The following PLEC variants were observed in gnomAD, a reference collection of about 807,000 sequenced individuals.
PLEC encodes plectin, also known as hemidesmosomal protein 1.
A neutral mutation model predicts 392.8 loss-of-function variants in PLEC; 216 were observed. The observed-to-expected ratio is 0.55, with a 90% confidence interval of 0.49 to 0.62. PLEC has a LOEUF of 0.62. PLEC is among the 20% of genes least tolerant of loss of function. The pLI is 0.00. For synonymous variants in PLEC, 3,621 were observed against 2,980.6 expected (o/e 1.21, Z -7.00); for missense variants, 6,863 against 6,563.4 (o/e 1.05, Z -1.58).
chr8:143,924,566 C>G lies in PLEC; in HGVS notation c.5363G>C (p.Arg1788Thr), dbSNP rs782315395. The change falls in exon 31 of 32, where the codon AGG becomes ACG. Residue 1788 changes from arginine (R) to threonine (T), a missense_variant. Physicochemically the swap from Arg to Thr is moderately conservative, Grantham distance 71 (BLOSUM62 -1). Coordinates refer to ENST00000345136, the MANE Select transcript of PLEC (RefSeq NM_201384.3). ...SRSTSEKSKQ[R>T]LEAEAGRFRE... ...GAACCGGCCGGCCTCGGCCTCCAGC[C>G]TCTGCTTGGACTTCTCGCTGGTGGA... 1 of 1,549,056 alleles carries G rather than the reference C, an allele frequency of 6.5e-7. No individual in the cohort carries two copies. The highest frequency in any genetic ancestry group is 8.7e-7 in the Non-Finnish European group (1 of 1,154,574).
chr8:143,916,418 G>A lies in PLEC; in HGVS notation c.13403C>T (p.Ala4468Val), dbSNP rs782730756. The A allele has an allele frequency of 3.1e-5, 50 of 1,611,434 alleles. No individual in the cohort carries two copies. The highest frequency in any genetic ancestry group is 1.2e-4 in the Admixed American group (7 of 59,962). The change falls in exon 32 of 32, where the codon GCG (alanine) becomes GTG (valine). Residue 4468 changes from alanine (A) to valine (V), a missense_variant. By Grantham distance (64) the Ala-to-Val change is moderately conservative (BLOSUM62 0). Coordinates refer to ENST00000345136, the MANE Select transcript of PLEC (RefSeq NM_201384.3). ...GTGLRLLEAA[A>V]QSTKGYYSPY... ...GCTGTAGTAGCCCTTGGTGGACTGC[G>A]CGGCAGCCTCCAGCAGCCGCAGCCC...
chr8:143,971,797 T>G (rs1411754858), intron 1 of PLEC, among the ~76,000 whole-genome samples: 1 of 136,370 alleles, frequency 7.3e-6, no homozygotes, highest in Non-Finnish European at 1.6e-5. Context: ...CCGGCCCCCC[T>G]GCCCCCTCAC....
upstream of PLEC, among the ~76,000 whole-genome samples, chr8:143,954,471 C>A (rs577548937): frequency 2.2e-4 from 33 of 152,334 alleles, no homozygotes; most frequent in South Asian, 6.8e-3. This position sits in a 1 kb window ranked among gnomAD's most constrained non-coding sequence, Gnocchi z 4.6. Flanking sequence ...CCCCACAGGT[C>A]CTCCTGGCTG....
chr8:143,925,121 A>G lies in PLEC; in HGVS notation c.4808T>C (p.Val1603Ala). Residue 1603 changes from valine (V) to alanine (A), a missense_variant, in exon 31 of 32, where the codon GTG (valine) becomes GCG (alanine). Transcript: ENST00000345136. Reference sequence around the variant, plus strand: ...CTCAGCCTCCTCCCGCAGCTGTGCCACAGCCACGTGTTCCTCCTGCAGGGA... The same window carrying G: ...CTCAGCCTCCTCCCGCAGCTGTGCCGCAGCCACGTGTTCCTCCTGCAGGGA... ...ERSLQEEHVA[V>A]AQLREEAERR... 1 of 1,556,434 alleles carries G rather than the reference A, an allele frequency of 6.4e-7. No homozygotes were observed. The highest frequency in any genetic ancestry group is 8.6e-7 in the Non-Finnish European group (1 of 1,159,536).
At position 143,923,435 on chromosome 8, in the gene PLEC, G is replaced by A. The variant is rs377663841; in HGVS notation, c.6494C>T (p.Ala2165Val). Residue 2165 changes from alanine to valine, a missense_variant, in exon 31 of 32, where the codon GCG (alanine) becomes GTG (valine). Coordinates refer to ENST00000345136, the MANE Select transcript of PLEC (RefSeq NM_201384.3). ...AALRQKQAADAEMEKHKKFAE... is the reference protein window; with the variant it reads ...AALRQKQAADVEMEKHKKFAE... Reference sequence around the variant, plus strand: ...GAATTTCTTATGCTTCTCCATCTCCGCGTCAGCTGCCTGCTTCTGCCGCAG... The same window carrying A: ...GAATTTCTTATGCTTCTCCATCTCCACGTCAGCTGCCTGCTTCTGCCGCAG... The A allele has an allele frequency of 5.3e-5, 85 of 1,609,390 alleles. 1 individual carries two copies. Among genetic ancestry groups the A allele is most frequent in the African/African-American group, 9.3e-5 (7 of 74,878 alleles).
chr8:143,926,803 C>T lies in PLEC; in HGVS notation c.4025G>A (p.Arg1342Gln), dbSNP rs781815166. 14 of 1,613,640 alleles carry T rather than the reference C, an allele frequency of 8.7e-6. No homozygotes were observed. The highest frequency in any genetic ancestry group is 5.3e-5 in the African/African-American group (4 of 74,940). ...QYIKFISETL[R>Q]RMEEEERLAE... ...CTGTACCTCCTCCTCCTCCATGCGC[C>T]GCAGAGTCTCGCTGATGAACTTGAT... Residue 1342 changes from arginine (R) to glutamine (Q), a missense_variant, in exon 30 of 32, where the codon CGG becomes CAG. By Grantham distance (43) the Arg-to-Gln change is conservative. Transcript: ENST00000345136.
Position 143,931,525 on chromosome 8 carries a change from C to CT in PLEC, c.2304+8dup. 2.5e-6 allele frequency: 4 copies of CT among 1,582,864 alleles called. No individual in the cohort carries two copies. The highest frequency in any genetic ancestry group is 2.6e-6 in the Non-Finnish European group (3 of 1,164,752). On this transcript the variant is annotated intron_variant, in intron 19 of 31. Transcript: ENST00000345136. ...CTCCTGACACGCCCCTGCACACCCC[C>CT]TCCCTCACCTGGGCATCCTGCAGCA...
chr8:143,929,968 C>T lies in PLEC; in HGVS notation c.2707G>A (p.Val903Met), dbSNP rs372373405. 4.3e-6 allele frequency: 7 copies of T among 1,611,192 alleles called. No individual in the cohort carries two copies. The highest frequency in any genetic ancestry group is 2.7e-5 in the African/African-American group (2 of 74,904). ...AGGGACCAGGAGCGGATGAGCTGCA[C>T]GTCGCGGCGAAGGCTCTGCCAGGCC... ...LLAWQSLRRDVQLIRSWSLAT... is the reference protein window; with the variant it reads ...LLAWQSLRRDMQLIRSWSLAT... The change falls in exon 22 of 32, where the codon GTG becomes ATG. Residue 903 changes from valine to methionine, a missense_variant. By Grantham distance (21) the Val-to-Met change is conservative. Transcript: ENST00000345136.
Position 143,935,116 on chromosome 8 carries a change from G to A in PLEC, c.720C>T (p.Asp240=), listed in dbSNP as rs782638021. The change falls in exon 8 of 32, where the codon GAC becomes GAT. Residue 240 remains aspartate (D), a splice_region_variant and synonymous_variant. Coordinates refer to ENST00000345136, the MANE Select transcript of PLEC (RefSeq NM_201384.3). The part of the protein sequence containing the change: ...LGVTRLLDPE[D]VDVPQPDEKS... ...TCTCGTCGGGCTGAGGGACATCCAC[G>A]TCTGCAGGGAAGGGCAGCTCAGCGG... The A allele has an allele frequency of 3.0e-5, 49 of 1,612,936 alleles. No homozygotes were observed. Among genetic ancestry groups the A allele is most frequent in the Admixed American group, 6.7e-5 (4 of 60,028 alleles).
At position 143,927,623 on chromosome 8, in the gene PLEC, G is replaced by A. The variant is rs202185399; in HGVS notation, c.3543C>T (p.Val1181=). 1.8e-3 allele frequency: 2,921 copies of A among 1,584,840 alleles called. 4 individuals are homozygous for A. The highest frequency in any genetic ancestry group is 2.9e-3 in the Admixed American group (168 of 58,536). Residue 1181 remains valine (V), a synonymous_variant, in exon 27 of 32, where the codon GTC becomes GTT. Transcript: ENST00000345136. ...CCTGCCAGCGCTCAAGCAACTGGGC[G>A]ACCCGCTCCCGCCAGCGCTCCACCT... ...DVEVERWRER[V]AQLLERWQAV...
At chr8:143,975,195 C>A (rs1554745616), upstream of PLEC, 1 of 1,600,880 alleles carries the variant, frequency 6.2e-7, no homozygotes, top group Non-Finnish European at 8.5e-7. This position sits in a 1 kb window ranked among gnomAD's most constrained non-coding sequence, Gnocchi z 9.9. Context: ...CGAATGACCG[C>A]CCGCTCAGCT....
In PLEC at chr8:143,917,181, T is replaced by C; in HGVS notation, c.12640A>G (p.Ile4214Val). ...DIDDAIAKNL[I>V]DRSALDQYRA... The stretch of plus-strand genomic sequence containing the variant: ...TACTGGTCCAGTGCCGAGCGGTCGA[T>C]GAGGTTCTTGGCGATGGCATCATCG... The change falls in exon 32 of 32, where the codon ATC becomes GTC. Residue 4214 changes from isoleucine to valine, a missense_variant. Ile to Val is a conservative substitution (Grantham distance 29). Coordinates refer to ENST00000345136, the MANE Select transcript of PLEC (RefSeq NM_201384.3). 2 of 1,612,278 alleles carry C rather than the reference T, an allele frequency of 1.2e-6. No homozygotes were observed. Among genetic ancestry groups the C allele is most frequent in the Non-Finnish European group, 1.7e-6 (2 of 1,179,144 alleles).
intron 3 of PLEC, chr8:143,937,519 G>A (rs1468239172): frequency 1.8e-6 from 1 of 558,848 alleles, no homozygotes; most frequent in African/African-American, 1.9e-5. Context: ...GTGGAGGGCA[G>A]TGGCACTAAA....
At chr8:143,940,528 C>T (rs1231901250), upstream of PLEC, among the ~76,000 whole-genome samples, 3 of 152,188 alleles carry the variant, frequency 2.0e-5, no homozygotes, top group Non-Finnish European at 4.4e-5. Flanking sequence ...AAAGGGCCTG[C>T]GCTGGCTGGG....
In PLEC at chr8:143,920,139, G is replaced by C. The variant is rs1197811611; in HGVS notation, c.9682C>G (p.Leu3228Val). Residue 3228 changes from leucine (L) to valine (V), a missense_variant, in exon 32 of 32, where the codon CTG becomes GTG. Physicochemically the swap from Leu to Val is conservative, Grantham distance 32. Coordinates refer to ENST00000345136, the MANE Select transcript of PLEC (RefSeq NM_201384.3). Reference protein sequence around the residue: ...RARQEELYSELQARETFEKTP... With the variant: ...RARQEELYSEVQARETFEKTP... ...TTTTCAAAGGTCTCACGGGCCTGCA[G>C]CTCTGAGTAGAGCTCCTCCTGCCGG... The C allele has an allele frequency of 2.5e-6, 4 of 1,612,838 alleles. No individual in the cohort carries two copies. Among genetic ancestry groups the C allele is most frequent in the Non-Finnish European group, 3.4e-6 (4 of 1,180,048 alleles).
chr8:143,971,878 G>A (rs1336696769), intron 1 of PLEC, among the ~76,000 whole-genome samples: 17 of 152,176 alleles, frequency 1.1e-4, no homozygotes, highest in African/African-American at 4.1e-4. Context: ...ACCAATCCTG[G>A]CCTCCAGAGG....
chr8:143,968,288 G>A (rs782288739), intron 1 of PLEC, among the ~76,000 whole-genome samples: 7 of 151,682 alleles, frequency 4.6e-5, no homozygotes, highest in Non-Finnish European at 8.8e-5. Flanking sequence ...TAAAATGTAC[G>A]TGCTTCAAAG....
In PLEC at chr8:143,932,779, T is replaced by C; in HGVS notation, c.1737+14A>G. ...GGCCCACCCCCGCACTGCCCATCGC[T>C]CAGCGCCACCCACCTCGTCACTCCG... On this transcript the variant is annotated intron_variant, in intron 14 of 31. Coordinates refer to ENST00000345136, the MANE Select transcript of PLEC (RefSeq NM_201384.3). 1 of 1,611,478 alleles carries C rather than the reference T, an allele frequency of 6.2e-7. No individual in the cohort carries two copies. The highest frequency in any genetic ancestry group is 1.1e-5 in the South Asian group (1 of 90,938).
intron 1 of PLEC, among the ~76,000 whole-genome samples, chr8:143,970,592 T>C (rs1204644984): frequency 3.9e-5 from 6 of 152,172 alleles, no homozygotes; most frequent in Non-Finnish European, 7.3e-5. Flanking sequence ...AAGCGTCCAA[T>C]TCAGTGGTTT....
Sources: allele counts gnomAD v4.1 joint callset (sites outside exome capture counted in the v4.1 genomes callset), GRCh38; gene constraint gnomAD v4.1.1; non-coding constraint Gnocchi (gnomAD v3.1); transcripts MANE v1.5; gene names NCBI Gene and HGNC (gene_info 2026-07-23, HGNC 2026-07-21).